The following SLC10A7 variants were observed in gnomAD, a reference collection of about 807,000 sequenced individuals.
SLC10A7 encodes the protein sodium/bile acid cotransporter 7.
Under a neutral mutation model 43.2 loss-of-function variants are expected in SLC10A7, and 29 were observed. The observed-to-expected ratio is 0.67, with a 90% CI of 0.50 to 0.92. The LOEUF is 0.92. SLC10A7 is among the 40% of genes least tolerant of loss of function. SLC10A7 has a pLI of 0.00. For synonymous variants in SLC10A7, 152 were observed against 144.8 expected (o/e 1.05, Z -0.35); for missense variants, 295 against 403.2 (o/e 0.73, Z 2.30).
chr4:146,425,044 C>T (rs1729239520), intron 5 of SLC10A7, among the ~76,000 whole-genome samples: 1 of 151,964 alleles, frequency 6.6e-6, no homozygotes, highest in Non-Finnish European at 1.5e-5. Context: ...AGGAAAAATG[C>T]AAATAAAAAT....
intron 4 of SLC10A7, among the ~76,000 whole-genome samples, chr4:146,461,572 A>G (rs1732530349): frequency 6.6e-6 from 1 of 152,024 alleles, no homozygotes; most frequent in Non-Finnish European, 1.5e-5. Flanking sequence ...ATCCCCAGGA[A>G]AGCCTCTTTC....
intron 5 of SLC10A7, among the ~76,000 whole-genome samples, chr4:146,343,051 T>C (rs946307317): frequency 2.0e-5 from 3 of 151,956 alleles, no homozygotes; most frequent in Non-Finnish European, 4.4e-5. Context: ...ATAAATGTCA[T>C]TTTTGAGGCA....
intron 2 of SLC10A7, among the ~76,000 whole-genome samples, chr4:146,515,909 CAAAAAAAAAAAAAAA>C (rs57840725): frequency 7.6e-5 from 6 of 79,226 alleles, no homozygotes; most frequent in Non-Finnish European, 1.2e-4. Context: ...GATTCCATCT[CAAAAAAAAAAAAAAA>C]AAAAAAAAAA....
rs188050167 is a variant in SLC10A7 at position 146,268,232 on chromosome 4, T to C, written c.848-9395A>G. 5.3e-5 allele frequency among the ~76,000 whole-genome samples: 8 copies of C among 152,304 alleles called. No individual in the cohort carries two copies. The East Asian group carries it at 1.4e-3, about 26-fold the overall frequency. ...GGTGTAGTCAGGAACTATTCGGCTA[T>C]GCTAAGTAGATGTTTATGTAAAACT... On this transcript the variant is annotated intron_variant, in intron 10 of 11. Coordinates refer to ENST00000335472, the MANE Select transcript of SLC10A7 (RefSeq NM_001029998.6).
chr4:146,320,120 T>A (rs1327415921), intron 6 of SLC10A7, among the ~76,000 whole-genome samples: 2 of 151,978 alleles, frequency 1.3e-5, no homozygotes, highest in Non-Finnish European at 1.5e-5. Flanking sequence ...GAAGAGTGAA[T>A]TAATTAAAGG....
At position 146,294,113 on chromosome 4, in the gene SLC10A7, A is replaced by T; in HGVS notation, c.556-18T>A. On this transcript the variant is annotated intron_variant, in intron 7 of 11. Coordinates refer to ENST00000335472, the MANE Select transcript of SLC10A7 (RefSeq NM_001029998.6). ...CGGACAATCTGAAATACAGAGATCA[A>T]CAGGTTGCCTCTTTTCAGAGATGGA... The T allele has an allele frequency of 6.5e-7, 1 of 1,545,762 alleles. No homozygotes were observed. Among genetic ancestry groups the T allele is most frequent in the Non-Finnish European group, 8.8e-7 (1 of 1,136,634 alleles).
At chr4:146,469,506 G>A (rs1250853490) in intron 4 of SLC10A7, among the ~76,000 whole-genome samples, 1 of 152,160 alleles carries the variant, frequency 6.6e-6, no homozygotes, top group African/African-American at 2.4e-5. Context: ...TCAGTAAACA[G>A]ACATGTGATG....
chr4:146,356,039 T>TAAA (rs58931920), intron 5 of SLC10A7, among the ~76,000 whole-genome samples: 1 of 139,820 alleles, frequency 7.2e-6, no homozygotes, highest in South Asian at 2.2e-4. Flanking sequence ...TAAAGTATAA[T>TAAA]AAAAAAAAAA....
chr4:146,431,189 T>C (rs577115617), intron 5 of SLC10A7, among the ~76,000 whole-genome samples: 2 of 152,278 alleles, frequency 1.3e-5, no homozygotes, highest in East Asian at 3.9e-4. Context: ...AGAAAAGCAA[T>C]TTTTAACAGT....
chr4:146,442,656 C>T (rs749915091), intron 5 of SLC10A7, 127 bp downstream of exon 5: 14 of 1,505,840 alleles, frequency 9.3e-6, no homozygotes, highest in South Asian at 9.2e-5. Context: ...GATACTGGCA[C>T]ATGAAAAGAT....
At chr4:146,281,630 T>C (rs899498834) in intron 10 of SLC10A7, among the ~76,000 whole-genome samples, 1 of 152,088 alleles carries the variant, frequency 6.6e-6, no homozygotes, top group Non-Finnish European at 1.5e-5. Flanking sequence ...TTAGAAGACC[T>C]GAGACACCAG....
intron 5 of SLC10A7, among the ~76,000 whole-genome samples, chr4:146,422,213 G>A (rs2358269): frequency 0.029 from 4,359 of 152,252 alleles, 208 homozygotes; most frequent in African/African-American, 0.1. Context: ...GTACAGGTAT[G>A]TAAATAGGGA....
chr4:146,429,630 GAGA>G (rs1366332805), intron 5 of SLC10A7, among the ~76,000 whole-genome samples: 1 of 149,864 alleles, frequency 6.7e-6, no homozygotes, highest in South Asian at 2.1e-4. Flanking sequence ...AGAGATGGGA[GAGA>G]AGATCAGAAT....
intron 5 of SLC10A7, among the ~76,000 whole-genome samples, chr4:146,369,701 G>A (rs1021274670): frequency 5.3e-5 from 8 of 152,094 alleles, no homozygotes; most frequent in Non-Finnish European, 8.8e-5. Flanking sequence ...TTATTACAGC[G>A]AATGCTTTAT....
At chr4:146,419,333 C>T (rs950509068) in intron 5 of SLC10A7, among the ~76,000 whole-genome samples, 4 of 152,164 alleles carry the variant, frequency 2.6e-5, no homozygotes, top group Non-Finnish European at 5.9e-5. Context: ...ACAAAAGTCA[C>T]TCTTATCATT....
chr4:146,448,159 T>C (rs1342488581), intron 4 of SLC10A7, among the ~76,000 whole-genome samples: 2 of 151,890 alleles, frequency 1.3e-5, no homozygotes, highest in Non-Finnish European at 2.9e-5. Context: ...ATGGCACATG[T>C]ATACATATGT....
chr4:146,335,600 C>T (rs1733841668), intron 5 of SLC10A7, among the ~76,000 whole-genome samples: 4 of 151,970 alleles, frequency 2.6e-5, no homozygotes, highest in Non-Finnish European at 4.4e-5. Context: ...GGAACTGTCC[C>T]GCAGACCAAC....
chr4:146,495,443 C>T (rs1372589450), intron 4 of SLC10A7, among the ~76,000 whole-genome samples: 1 of 152,130 alleles, frequency 6.6e-6, no homozygotes, highest in East Asian at 1.9e-4. Context: ...AAGACCAACT[C>T]CCCAATGATA....
rs148155533 is a variant in SLC10A7 at position 146,344,353 on chromosome 4, T to C, written c.436-18357A>G. 2.6e-5 allele frequency among the ~76,000 whole-genome samples: 4 copies of C among 152,184 alleles called. No individual in the cohort carries two copies. In the East Asian group the frequency reaches 7.7e-4, roughly 29 times the overall value. On this transcript the variant is annotated intron_variant, in intron 5 of 11. Coordinates refer to ENST00000335472, the MANE Select transcript of SLC10A7 (RefSeq NM_001029998.6). The stretch of plus-strand genomic sequence containing the variant: ...AAATCATTTGGAATTTTTAGAGGGT[T>C]TAATTGGTTCAAACAGATACACGGA...
Sources: allele counts gnomAD v4.1 joint callset (sites outside exome capture counted in the v4.1 genomes callset), GRCh38; gene constraint gnomAD v4.1.1; transcripts MANE v1.5; gene names NCBI Gene and HGNC (gene_info 2026-07-23, HGNC 2026-07-21).